The following PPP6R3 variants were observed in gnomAD, a reference collection of about 807,000 sequenced individuals.
The protein encoded by PPP6R3 is protein phosphatase 6 regulatory subunit 3.
PPP6R3 carries 38 observed loss-of-function variants against 110.7 expected under a neutral mutation model. The ratio of observed to expected loss-of-function variants is 0.34; its 90% CI spans 0.26 to 0.45. The LOEUF (loss-of-function observed/expected upper bound fraction) is 0.45. Ranked by LOEUF, PPP6R3 falls within the 20% of genes least tolerant of loss-of-function variation. PPP6R3 has a pLI of 1.00. For missense variants in PPP6R3, 870 were observed against 1,062.4 expected (o/e 0.82, Z 2.52); for synonymous variants, 369 against 373.5 (o/e 0.99, Z 0.14).
intron 1 of PPP6R3, among the ~76,000 whole-genome samples, chr11:68,484,978 GA>G (rs2098937238): frequency 6.6e-6 from 1 of 152,190 alleles, no homozygotes; most frequent in Admixed American, 6.6e-5. Context: ...AAGTTAGGCA[GA>G]ACTGATATCA....
intron 7 of PPP6R3, among the ~76,000 whole-genome samples, chr11:68,556,551 G>A (rs868205154): frequency 0.011 from 1,179 of 108,716 alleles, 19 homozygotes; most frequent in African/African-American, 0.035. Flanking sequence ...AAAAAAAAAC[G>A]AAAAAAAAAA....
intron 1 of PPP6R3, among the ~76,000 whole-genome samples, chr11:68,478,043 G>A (rs759839048): frequency 1.8e-4 from 27 of 151,276 alleles, no homozygotes; most frequent in Non-Finnish European, 1.5e-4. Context: ...TCTGCCTTCC[G>A]GTTTCAAGCG....
chr11:68,603,310 C>G (rs771348580), intron 21 of PPP6R3, 32 bp from the exon 22 acceptor site: 10 of 1,610,936 alleles, frequency 6.2e-6, no homozygotes, highest in Non-Finnish European at 7.6e-6. Flanking sequence ...TTCGGGCTTG[C>G]TGTGTGTGAC....
chr11:68,465,425 C>T (rs944328883), intron 1 of PPP6R3, among the ~76,000 whole-genome samples: 4 of 151,738 alleles, frequency 2.6e-5, no homozygotes, highest in Admixed American at 2.0e-4. Flanking sequence ...CTTTTTTGCT[C>T]ATATTAAAAT....
intron 22 of PPP6R3, among the ~76,000 whole-genome samples, chr11:68,606,237 ACT>A (rs1057052565): frequency 2.6e-5 from 4 of 151,772 alleles, no homozygotes. Context: ...TATGATTAAA[ACT>A]CTGAGAAAAC....
chr11:68,573,153 T>TATATATATATATATATAA (rs1468107550), intron 12 of PPP6R3, among the ~76,000 whole-genome samples: 35 of 103,590 alleles, frequency 3.4e-4, no homozygotes, highest in African/African-American at 1.2e-3. Flanking sequence ...TATATATATA[T>TATATATATATATATATAA]AATTTTTTTT....
intron 1 of PPP6R3, among the ~76,000 whole-genome samples, chr11:68,471,418 G>A (rs995140619): frequency 6.6e-6 from 1 of 152,128 alleles, no homozygotes; most frequent in Non-Finnish European, 1.5e-5. Context: ...CAGCTTTGAG[G>A]CCTTAGGAAA....
intron 3 of PPP6R3, among the ~76,000 whole-genome samples, chr11:68,539,332 T>C (rs541077649): frequency 3.0e-4 from 45 of 152,212 alleles, no homozygotes; most frequent in Non-Finnish European, 5.3e-4. Flanking sequence ...GTTTTAATCA[T>C]TGAAGAGTAG....
chr11:68,473,084 TC>T (rs2098803863), intron 1 of PPP6R3, among the ~76,000 whole-genome samples: 1 of 152,228 alleles, frequency 6.6e-6, no homozygotes, highest in African/African-American at 2.4e-5. Context: ...CTTTGGACTT[TC>T]CAAAATGATA....
At chr11:68,563,469 CAAGATCTTTA>C (rs1336520663) in intron 8 of PPP6R3, among the ~76,000 whole-genome samples, 30 of 152,202 alleles carry the variant, frequency 2.0e-4, no homozygotes, top group Admixed American at 6.5e-4. Flanking sequence ...TCTTTCATCT[CAAGATCTTTA>C]ATTAATTTCA....
At chr11:68,583,881 G>A (rs1340973092) in intron 15 of PPP6R3, among the ~76,000 whole-genome samples, 1 of 152,070 alleles carries the variant, frequency 6.6e-6, no homozygotes, top group Non-Finnish European at 1.5e-5. Flanking sequence ...GAATTAACGG[G>A]GACACCTTCC....
chr11:68,560,017 C>G (rs759801891), intron 8 of PPP6R3, among the ~76,000 whole-genome samples: 1 of 152,056 alleles, frequency 6.6e-6, no homozygotes, highest in African/African-American at 2.4e-5. Context: ...TCTTGCTACT[C>G]ATGCTACAAG....
At position 68,558,604 on chromosome 11, in the gene PPP6R3, A is replaced by T. The variant is rs755421463; in HGVS notation, c.770A>T (p.His257Leu). The change falls in exon 8 of 24, where the codon CAC becomes CTC. Residue 257 changes from histidine (H) to leucine (L), a missense_variant. Physicochemically the swap from His to Leu is moderately conservative, Grantham distance 99. Transcript: ENST00000393800. ...GAGCAGCTTCTATCAAATATTTTCC[A>T]CAAGGAGAAAAATGAGTCAGCCATA... ...IIEQLLSNIF[H>L]KEKNESAIVS... The T allele has an allele frequency of 6.2e-7, 1 of 1,613,480 alleles. No individual in the cohort carries two copies. The highest frequency in any genetic ancestry group is 1.7e-5 in the Admixed American group (1 of 59,874).
intron 7 of PPP6R3, among the ~76,000 whole-genome samples, chr11:68,557,545 G>C (rs2099404294): frequency 6.6e-6 from 1 of 151,720 alleles, no homozygotes; most frequent in Non-Finnish European, 1.5e-5. Context: ...TTGAGGTGGA[G>C]TCTCGTTCTG....
chr11:68,466,656 G>A (rs1392021717), intron 1 of PPP6R3, among the ~76,000 whole-genome samples: 3 of 147,498 alleles, frequency 2.0e-5, no homozygotes, highest in Non-Finnish European at 3.0e-5. Context: ...ACTGTCGCCC[G>A]GGCTGGAGTG....
intron 1 of PPP6R3, among the ~76,000 whole-genome samples, chr11:68,498,024 C>A (rs540049341): frequency 9.9e-5 from 15 of 152,284 alleles, no homozygotes; most frequent in African/African-American, 3.6e-4. Flanking sequence ...CCCACAGTGT[C>A]ATCTTCCTCT....
rs182277116 is a variant in PPP6R3 at position 68,577,161 on chromosome 11, A to G, written c.1545+1118A>G. On this transcript the variant is annotated intron_variant, in intron 14 of 23. Coordinates refer to ENST00000393800, the MANE Select transcript of PPP6R3 (RefSeq NM_001164161.2). ...AATAGCCCGAGTGTCTCTGTGTACC[A>G]CAGCCCAGCAGAGAAAATGACATTA... Among the ~76,000 whole-genome samples the G allele has an allele frequency of 1.7e-3, 254 of 152,366 alleles. 1 individual carries two copies. The highest frequency in any genetic ancestry group is 2.7e-3 in the Non-Finnish European group (183 of 68,036).
intron 3 of PPP6R3, among the ~76,000 whole-genome samples, chr11:68,539,777 A>G (rs1287372598): frequency 1.3e-5 from 2 of 152,204 alleles, no homozygotes; most frequent in African/African-American, 2.4e-5. Flanking sequence ...AATTTTTCAG[A>G]TAAGACCTCT....
At chr11:68,588,678 C>G (rs1335709894) in intron 16 of PPP6R3, among the ~76,000 whole-genome samples, 2 of 151,022 alleles carry the variant, frequency 1.3e-5, no homozygotes, top group Non-Finnish European at 2.9e-5. Context: ...ATCTCCTGAC[C>G]TCGTGATCCG....
Sources: allele counts gnomAD v4.1 joint callset (sites outside exome capture counted in the v4.1 genomes callset), GRCh38; gene constraint gnomAD v4.1.1; transcripts MANE v1.5; gene names NCBI Gene and HGNC (gene_info 2026-07-23, HGNC 2026-07-21).